BCAS3: variants seen among roughly 807,000 people sequenced by gnomAD.
The protein encoded by BCAS3 is BCAS3 microtubule associated cell migration factor.
A neutral mutation model predicts 116.1 loss-of-function variants in BCAS3; 53 were observed. That is an observed-to-expected ratio of 0.46 (90% CI 0.37 to 0.57). The LOEUF (loss-of-function observed/expected upper bound fraction) is 0.57, where lower values mean the gene tolerates loss of function less well. BCAS3 is among the 20% of genes least tolerant of loss of function. The pLI is 0.00. For missense variants in BCAS3, 917 were observed against 1,165.4 expected, an observed-to-expected ratio of 0.79 and a Z score of 3.10; for synonymous variants, 391 against 408.2, an observed-to-expected ratio of 0.96 and a Z score of 0.51.
Position 61,199,900 on chromosome 17 carries a change from C to T in BCAS3, c.2425+115336C>T, listed in dbSNP as rs1312171669. Among the ~76,000 whole-genome samples the T allele has an allele frequency of 2.0e-5, 3 of 152,238 alleles. No individual in the cohort carries two copies. The highest frequency in any genetic ancestry group is 2.1e-4 in the South Asian group (1 of 4,824). On this transcript the variant is annotated intron_variant, in intron 22 of 23. Coordinates refer to ENST00000407086, the MANE Select transcript of BCAS3 (RefSeq NM_017679.5). The surrounding 1 kb of genome is among the most constrained non-coding windows in gnomAD (Gnocchi z 4.6). ...CTAGGGTCATAACCTCTTAACCTTA[C>T]GGGTTATAGGTCTCTTGCTTTTTGA...
At chr17:60,917,606 T>A (rs2145129010) in intron 12 of BCAS3, among the ~76,000 whole-genome samples, 1 of 152,252 alleles carries the variant, frequency 6.6e-6, no homozygotes, top group Non-Finnish European at 1.5e-5. Context: ...TTTTTTTTTT[T>A]TTATTGAAAT....
chr17:60,944,174 G>T (rs940803595), intron 13 of BCAS3, among the ~76,000 whole-genome samples: 6 of 151,714 alleles, frequency 4.0e-5, no homozygotes, highest in Non-Finnish European at 2.9e-5. Flanking sequence ...AAAACAGAAA[G>T]TTATGAAACC....
intron 12 of BCAS3, among the ~76,000 whole-genome samples, chr17:60,916,776 G>C (rs1239142905): frequency 6.6e-6 from 1 of 152,028 alleles, no homozygotes; most frequent in Non-Finnish European, 1.5e-5. Flanking sequence ...CTCACAGAAG[G>C]GGAGAAAATA....
At position 61,105,040 on chromosome 17, in the gene BCAS3, T is replaced by C. The variant is rs1414178608; in HGVS notation, c.2425+20476T>C. On this transcript the variant is annotated intron_variant, in intron 22 of 23. Transcript: ENST00000407086. The surrounding 1 kb of genome is among the most constrained non-coding windows in gnomAD (Gnocchi z 4.3). ...ACCTCCGTGGGTTTCCTCACTGCTG[T>C]TGGCTCAGCTGTGGCTTTTTATGGA... Among the ~76,000 whole-genome samples the C allele has an allele frequency of 6.6e-6, 1 of 152,216 alleles. No homozygotes were observed. The highest frequency in any genetic ancestry group is 1.5e-5 in the Non-Finnish European group (1 of 68,040).
chr17:60,906,766 C>T (rs895998636), intron 11 of BCAS3, among the ~76,000 whole-genome samples: 1 of 152,026 alleles, frequency 6.6e-6, no homozygotes, highest in Non-Finnish European at 1.5e-5. Context: ...AAATAGAAAA[C>T]ATATTTTCTT....
chr17:60,913,789 T>C (rs749390004), intron 12 of BCAS3, among the ~76,000 whole-genome samples: 1 of 152,148 alleles, frequency 6.6e-6, no homozygotes, highest in Non-Finnish European at 1.5e-5. Flanking sequence ...CCATATTGAT[T>C]AGTTTGATTT....
chr17:60,763,238 T>C (rs1417911008), intron 6 of BCAS3, among the ~76,000 whole-genome samples: 1 of 152,144 alleles, frequency 6.6e-6, no homozygotes, highest in Non-Finnish European at 1.5e-5. Flanking sequence ...CTATGTTGAA[T>C]AGGAGTGGTG....
chr17:60,851,520 C>T (rs2144807422), intron 7 of BCAS3: 5 of 603,004 alleles, frequency 8.3e-6, no homozygotes, highest in East Asian at 7.4e-5. Flanking sequence ...GCATTGAAAC[C>T]ACCATCTGTA....
chr17:60,680,517 C>CT (rs2143789893), intron 2 of BCAS3, among the ~76,000 whole-genome samples: 1 of 152,220 alleles, frequency 6.6e-6, no homozygotes, highest in South Asian at 2.1e-4. Context: ...GTCTAGGTCT[C>CT]TGTCAGAAAG....
chr17:61,061,686 A>G (rs1600871519), intron 19 of BCAS3, among the ~76,000 whole-genome samples: 1 of 152,212 alleles, frequency 6.6e-6, no homozygotes, highest in African/African-American at 2.4e-5. Flanking sequence ...CCTTGAATTT[A>G]TAATGGAGAA....
rs996011363 is a variant in BCAS3, at chr17:61,130,356, A to T, written c.2425+45792A>T. Among the ~76,000 whole-genome samples the T allele has an allele frequency of 6.6e-5, 10 of 152,164 alleles. No homozygotes were observed. The highest frequency in any genetic ancestry group is 2.4e-4 in the African/African-American group (10 of 41,440). ...ATTCATCTGTACAATTTTCTTATTA[A>T]TTCTCGTATCCAAAAGAACCACAAT... On this transcript the variant is annotated intron_variant, in intron 22 of 23. Transcript: ENST00000407086. This position sits in a 1 kb window ranked among gnomAD's most constrained non-coding sequence, Gnocchi z 5.0.
intron 4 of BCAS3, among the ~76,000 whole-genome samples, chr17:60,697,708 T>A (rs1250256952): frequency 6.6e-6 from 1 of 152,042 alleles, no homozygotes; most frequent in Non-Finnish European, 1.5e-5. Flanking sequence ...GAGAGTATAC[T>A]GAGTGCAGTC....
At position 61,074,585 on chromosome 17, in the gene BCAS3, A is replaced by G. The variant is rs16944791; in HGVS notation, c.2030-335A>G. ...TGCCTAGCATTTATATGAAGCTACT[A>G]AATAAACTCTTTTAAAGAATCCTAA... On this transcript the variant is annotated intron_variant, in intron 19 of 23. Coordinates refer to ENST00000407086, the MANE Select transcript of BCAS3 (RefSeq NM_017679.5). 2.7e-3 allele frequency among the ~76,000 whole-genome samples: 411 copies of G among 152,316 alleles called. 1 individual carries two copies. The highest frequency in any genetic ancestry group is 9.3e-3 in the African/African-American group (388 of 41,576).
chr17:60,748,817 A>G (rs1194671226), intron 6 of BCAS3: 1 of 152,142 alleles, frequency 6.6e-6, no homozygotes, highest in African/African-American at 2.4e-5. Flanking sequence ...ACTATAATGT[A>G]TTTATTTAAA....
At position 60,730,766 on chromosome 17, in the gene BCAS3, A is replaced by AT. The variant is rs1322688117; in HGVS notation, c.322-16428dup. Among the ~76,000 whole-genome samples, 9 of 152,350 alleles carry AT rather than the reference A, an allele frequency of 5.9e-5. 1 individual carries two copies. The East Asian group carries it at 1.7e-3, about 29-fold the overall frequency. ...AAAAAAAGGCCTGAGTTTAAGAACT[A>AT]TTTTGAATATAGTGTATTTATAGGA... On this transcript the variant is annotated intron_variant, in intron 5 of 23. Coordinates refer to ENST00000407086, the MANE Select transcript of BCAS3 (RefSeq NM_017679.5).
intron 6 of BCAS3, among the ~76,000 whole-genome samples, chr17:60,780,999 C>G (rs931285404): frequency 1.3e-5 from 2 of 151,892 alleles, no homozygotes; most frequent in African/African-American, 4.8e-5. Flanking sequence ...GATGGAGTCT[C>G]ACTCTGTCCC....
In BCAS3 at chr17:61,349,961, T is replaced by G. The variant is rs570985695; in HGVS notation, c.2426-18366T>G. ...TTCTGAATAGTTAAGATCAATAATCTCTCCTGAACAATTGGCTTTGGGACA... is the reference window on the plus strand; with the variant it reads ...TTCTGAATAGTTAAGATCAATAATCGCTCCTGAACAATTGGCTTTGGGACA... On this transcript the variant is annotated intron_variant, in intron 22 of 23. Coordinates refer to ENST00000407086, the MANE Select transcript of BCAS3 (RefSeq NM_017679.5). The surrounding 1 kb of genome is among the most constrained non-coding windows in gnomAD (Gnocchi z 4.7). Among the ~76,000 whole-genome samples the G allele has an allele frequency of 6.6e-5, 10 of 152,262 alleles. 1 individual carries two copies. The highest frequency in any genetic ancestry group is 2.0e-4 in the Admixed American group (3 of 15,296).
intron 4 of BCAS3, among the ~76,000 whole-genome samples, chr17:60,700,952 GGA>G (rs1311711026): frequency 6.6e-6 from 1 of 152,056 alleles, no homozygotes; most frequent in African/African-American, 2.4e-5. Flanking sequence ...GCTTCTAGAA[GGA>G]GAGGGGAGGC....
chr17:60,932,608 G>A (rs888483935), intron 13 of BCAS3, among the ~76,000 whole-genome samples: 3 of 151,856 alleles, frequency 2.0e-5, no homozygotes, highest in African/African-American at 7.3e-5. Flanking sequence ...CAGGCGTGGT[G>A]GCGGGCACCT....
Sources: allele counts gnomAD v4.1 joint callset (sites outside exome capture counted in the v4.1 genomes callset), GRCh38; gene constraint gnomAD v4.1.1; non-coding constraint Gnocchi (gnomAD v3.1); transcripts MANE v1.5; gene names NCBI Gene and HGNC (gene_info 2026-07-23, HGNC 2026-07-21).